The following FAM117B variants were observed in gnomAD, a reference collection of about 807,000 sequenced individuals.
The protein encoded by FAM117B is family with sequence similarity 117 member B.
Under a neutral mutation model 52.8 loss-of-function variants are expected in FAM117B, and 22 were observed. The observed-to-expected ratio is 0.42, with a 90% CI of 0.30 to 0.59. FAM117B has a LOEUF of 0.59. Ranked by LOEUF, FAM117B falls within the 20% of genes least tolerant of loss-of-function variation. The probability of loss-of-function intolerance (pLI) is 0.22; values close to 1 mark genes in which losing one functional copy is unlikely to be tolerated. For missense variants in FAM117B, 678 were observed against 802.6 expected (o/e 0.84, Z 1.88); for synonymous variants, 309 against 324.1 (o/e 0.95, Z 0.50).
In FAM117B at chr2:202,726,946, TA is replaced by T. The variant is rs879811734; in HGVS notation, c.960+594del. ...ATTTAAAGTATAATTTAAAAAAATG[TA>T]AAAAAAAAAATAGCTGTCTCATAGA... On this transcript the variant is annotated intron_variant, in intron 4 of 7. Coordinates refer to ENST00000392238, the MANE Select transcript of FAM117B (RefSeq NM_173511.4). Among the ~76,000 whole-genome samples the T allele has an allele frequency of 3.2e-3, 480 of 147,694 alleles. 3 individuals carry two copies. Among genetic ancestry groups the T allele is most frequent in the African/African-American group, 0.01 (418 of 40,496 alleles).
At chr2:202,657,058 G>A (rs1268062264) in intron 1 of FAM117B, among the ~76,000 whole-genome samples, 1 of 149,390 alleles carries the variant, frequency 6.7e-6, no homozygotes, top group Non-Finnish European at 1.5e-5. Flanking sequence ...ACAGCGTATT[G>A]TTGGCTCTTG....
At chr2:202,740,584 A>G (rs1415161272) in intron 4 of FAM117B, among the ~76,000 whole-genome samples, 1 of 152,150 alleles carries the variant, frequency 6.6e-6, no homozygotes, top group Non-Finnish European at 1.5e-5. Flanking sequence ...CTGCCTAATT[A>G]TTACAGGAAA....
intron 4 of FAM117B, among the ~76,000 whole-genome samples, chr2:202,750,142 G>A (rs573641558): frequency 7.9e-5 from 12 of 152,134 alleles, no homozygotes; most frequent in South Asian, 2.1e-4. Flanking sequence ...TGAGCTCTTC[G>A]TGTGCATGGG....
chr2:202,717,532 C>A (rs1347539052), intron 2 of FAM117B, among the ~76,000 whole-genome samples: 1 of 152,106 alleles, frequency 6.6e-6, no homozygotes, highest in Non-Finnish European at 1.5e-5. Context: ...ACCCCAAGCT[C>A]AGTAATGTTG....
In FAM117B at chr2:202,635,666, T is replaced by A; in HGVS notation, c.479T>A (p.Leu160Gln). The part of the protein sequence containing the change: ...VSSPSSSPTH[L>Q]WTGEVSAAPP... ...TCGCCCAGCTCGTCGCCCACCCACC[T>A]GTGGACCGGCGAGGTGAGCGCGGCC... The change falls in exon 1 of 8, where the codon CTG becomes CAG. Residue 160 changes from leucine to glutamine, a missense_variant. Leu to Gln is a moderately radical substitution (Grantham distance 113). Transcript: ENST00000392238. The A allele has an allele frequency of 7.3e-7, 1 of 1,378,606 alleles. No homozygotes were observed. Among genetic ancestry groups the A allele is most frequent in the Non-Finnish European group, 9.4e-7 (1 of 1,066,078 alleles). 85.4% of individuals were successfully genotyped at this position (1,378,606 alleles called of 1,614,324 possible).
chr2:202,649,169 C>T (rs889962036), intron 1 of FAM117B, among the ~76,000 whole-genome samples: 1 of 152,078 alleles, frequency 6.6e-6, no homozygotes, highest in Non-Finnish European at 1.5e-5. Context: ...AACATTTTTT[C>T]CCCATCCTCC....
At chr2:202,656,100 T>G (rs1465766501) in intron 1 of FAM117B, among the ~76,000 whole-genome samples, 6 of 152,166 alleles carry the variant, frequency 3.9e-5, no homozygotes, top group Non-Finnish European at 7.3e-5. Flanking sequence ...ATTTGAATAT[T>G]TGTATATTTT....
intron 4 of FAM117B, among the ~76,000 whole-genome samples, chr2:202,752,858 A>G (rs1436593116): frequency 2.6e-5 from 4 of 152,222 alleles, no homozygotes; most frequent in Non-Finnish European, 4.4e-5. Context: ...CAATAAAAAC[A>G]TTTTTAATTT....
intron 2 of FAM117B, among the ~76,000 whole-genome samples, chr2:202,716,104 T>C (rs1691051978): frequency 6.6e-6 from 1 of 152,158 alleles, no homozygotes; most frequent in South Asian, 2.1e-4. Flanking sequence ...AGGATATCTT[T>C]TTGTTGAATC....
chr2:202,727,878 T>C (rs1156801458), intron 4 of FAM117B, among the ~76,000 whole-genome samples: 1 of 152,198 alleles, frequency 6.6e-6, no homozygotes, highest in Non-Finnish European at 1.5e-5. Flanking sequence ...TATAGATTGT[T>C]TGCAATGGAA....
intron 1 of FAM117B, among the ~76,000 whole-genome samples, chr2:202,665,272 T>A (rs1369768249): frequency 6.6e-6 from 1 of 151,484 alleles, no homozygotes; most frequent in Non-Finnish European, 1.5e-5. Context: ...CTCTGCCTCC[T>A]GGGCTCAAGT....
intron 6 of FAM117B, 42 bp downstream of exon 6, chr2:202,757,480 A>C: frequency 6.5e-7 from 1 of 1,549,536 alleles, no homozygotes; most frequent in South Asian, 1.1e-5. Flanking sequence ...ATAATGGAAT[A>C]CCTCCTCTTG....
intron 1 of FAM117B, among the ~76,000 whole-genome samples, chr2:202,637,392 G>C (rs965528786): frequency 6.6e-6 from 1 of 151,742 alleles, no homozygotes. Flanking sequence ...CGAGTAGCTG[G>C]GATTACAGGC....
intron 1 of FAM117B, among the ~76,000 whole-genome samples, chr2:202,685,090 C>G (rs1690519655): frequency 6.6e-6 from 1 of 151,920 alleles, no homozygotes; most frequent in Admixed American, 6.6e-5. Context: ...TCAAGTGATT[C>G]TCCTGCCTCA....
chr2:202,753,073 C>A (rs1691750089), intron 4 of FAM117B, among the ~76,000 whole-genome samples: 1 of 152,064 alleles, frequency 6.6e-6, no homozygotes. Flanking sequence ...CAATCCTAAG[C>A]AAAAAGTACA....
rs574076212 is a variant in FAM117B, at chr2:202,715,365, C to T, written c.754-9552C>T. On this transcript the variant is annotated intron_variant, in intron 2 of 7. Transcript: ENST00000392238. Reference sequence around the variant, plus strand: ...GCGGAGACGCTCCTCACTTCCCAGACGGGGTGGCTGCCAGGCGGAGGGGCT... The same window carrying T: ...GCGGAGACGCTCCTCACTTCCCAGATGGGGTGGCTGCCAGGCGGAGGGGCT... Among the ~76,000 whole-genome samples the T allele has an allele frequency of 4.7e-3, 716 of 150,926 alleles. 4 individuals are homozygous for T. The highest frequency in any genetic ancestry group is 0.016 in the African/African-American group (665 of 41,062).
intron 1 of FAM117B, among the ~76,000 whole-genome samples, chr2:202,646,906 T>C (rs1689876576): frequency 6.6e-6 from 1 of 152,174 alleles, no homozygotes. Flanking sequence ...TGAGATATTA[T>C]GTGATCTAGG....
chr2:202,667,531 T>G (rs113051203), intron 1 of FAM117B, among the ~76,000 whole-genome samples: 21 of 152,266 alleles, frequency 1.4e-4, no homozygotes, highest in Non-Finnish European at 2.6e-4. Flanking sequence ...ATAGAAATAA[T>G]ATTGCTCTGT....
Position 202,694,188 on chromosome 2 carries a change from C to CTTTTTTTTTT in FAM117B, c.602-1681_602-1672dup, listed in dbSNP as rs757843381. Among the ~76,000 whole-genome samples the CTTTTTTTTTT allele has an allele frequency of 8.7e-4, 86 of 99,064 alleles. 3 individuals are homozygous for CTTTTTTTTTT. The highest frequency in any genetic ancestry group is 3.6e-3 in the African/African-American group (82 of 22,868). The allele number at this position is 99,064 out of a possible 152,430, so 65.0% of individuals were successfully genotyped here. A position where few individuals can be genotyped will look rare whatever the true frequency, so the allele number is the denominator to read the frequency against. On this transcript the variant is annotated intron_variant, in intron 1 of 7. Coordinates refer to ENST00000392238, the MANE Select transcript of FAM117B (RefSeq NM_173511.4). ...GAAGATGTTATTGCAAAACCCACTTCTTTTTTTTTTTTTTTTTTTTTGAGA... is the reference window on the plus strand; with the variant it reads ...GAAGATGTTATTGCAAAACCCACTTCTTTTTTTTTTTTTTTTTTTTTTTTTTTTTTTGAGA...
Sources: allele counts gnomAD v4.1 joint callset (sites outside exome capture counted in the v4.1 genomes callset), GRCh38; gene constraint gnomAD v4.1.1; transcripts MANE v1.5; gene names NCBI Gene and HGNC (gene_info 2026-07-23, HGNC 2026-07-21).